FMN1: variants seen among roughly 807,000 people sequenced by gnomAD.
The protein encoded by FMN1 is formin-1.
A neutral mutation model predicts 132.4 loss-of-function variants in FMN1; 110 were observed. The ratio of observed to expected loss-of-function variants is 0.83; its 90% CI spans 0.71 to 0.97. The LOEUF is 0.97. Among genes scored for constraint, FMN1 ranks in the 50% least tolerant of loss-of-function variants. The pLI is 0.00. For missense variants in FMN1, 1,792 were observed against 1,705.3 expected, an observed-to-expected ratio of 1.05 and a Z score of -0.90; for synonymous variants, 722 against 651.7, an observed-to-expected ratio of 1.11 and a Z score of -1.64.
chr15:33,093,560 C>G (rs2038976687), intron 4 of FMN1, among the ~76,000 whole-genome samples: 1 of 152,184 alleles, frequency 6.6e-6, no homozygotes, highest in South Asian at 2.1e-4. Context: ...AATGCAACTG[C>G]CCCCATTTTC....
rs73386817 is a variant in FMN1 at position 32,806,701 on chromosome 15, C to T, written c.3929-2369G>A. On this transcript the variant is annotated intron_variant, in intron 17 of 20. Transcript: ENST00000616417. ...GGCAGCTGCCTCTGGCTTGAGCGCA[C>T]TGAGCGTGCACATTGGAGGATCTTT... Among the ~76,000 whole-genome samples, 773 of 152,378 alleles carry T rather than the reference C, an allele frequency of 5.1e-3. 10 individuals carry two copies. Among genetic ancestry groups the T allele is most frequent in the African/African-American group, 0.018 (728 of 41,596 alleles).
At chr15:33,074,861 C>A (rs1165178391) in intron 5 of FMN1, among the ~76,000 whole-genome samples, 2 of 151,260 alleles carry the variant, frequency 1.3e-5, no homozygotes, top group Non-Finnish European at 2.9e-5. Context: ...ACTAAAAATT[C>A]AAAAAAATTA....
intron 3 of FMN1, among the ~76,000 whole-genome samples, chr15:33,161,645 G>A (rs8023834): frequency 5.3e-5 from 8 of 152,084 alleles, no homozygotes; most frequent in South Asian, 2.1e-4. Context: ...AAGGCTGGGC[G>A]CAGTGGCTCA....
intron 2 of FMN1, among the ~76,000 whole-genome samples, chr15:33,182,715 C>T (rs148118584): frequency 3.9e-5 from 6 of 152,164 alleles, no homozygotes; most frequent in African/African-American, 1.4e-4. Flanking sequence ...GCGCCATCTA[C>T]CTCTCACTGG....
intron 6 of FMN1, among the ~76,000 whole-genome samples, chr15:33,009,246 T>C (rs542064385): frequency 6.6e-6 from 1 of 152,224 alleles, no homozygotes; most frequent in East Asian, 1.9e-4. Context: ...GTTACCACCA[T>C]CTCCACTAGA....
chr15:33,000,384 G>A (rs188471694), intron 7 of FMN1, among the ~76,000 whole-genome samples: 44 of 148,294 alleles, frequency 3.0e-4, no homozygotes, highest in Middle Eastern at 7.1e-3. Flanking sequence ...GGGAGGCAGA[G>A]CTTGCAGTGA....
chr15:33,183,511 T>A (rs1965775419), intron 2 of FMN1, among the ~76,000 whole-genome samples: 1 of 152,234 alleles, frequency 6.6e-6, no homozygotes, highest in African/African-American at 2.4e-5. Flanking sequence ...CGAATTTCTA[T>A]AGTTTAATCA....
Position 32,767,751 on chromosome 15 carries a change from T to A in FMN1, c.*6559A>T, listed in dbSNP as rs1015336171. On this transcript the variant is annotated 3_prime_UTR_variant, in exon 21 of 21. Transcript: ENST00000616417. ...TTACAGAATTGCACAATTATAAATT[T>A]AATAATTTTGGAGTAGACCTATCCC... 6.6e-6 allele frequency: 1 copy of A among 152,236 alleles called. No homozygotes were observed. Among genetic ancestry groups the A allele is most frequent in the Non-Finnish European group, 1.5e-5 (1 of 68,036 alleles). The allele number at this position is 152,236 out of a possible 1,614,324, so 9.4% of individuals were successfully genotyped here.
intron 7 of FMN1, among the ~76,000 whole-genome samples, chr15:32,973,576 A>AACCCCC (rs2031962884): frequency 6.8e-6 from 1 of 147,336 alleles, no homozygotes; most frequent in African/African-American, 2.6e-5. Flanking sequence ...TCTGCCCCTC[A>AACCCCC]CCCCCCCCAA....
chr15:32,842,087 G>C (rs1035425186), intron 17 of FMN1, among the ~76,000 whole-genome samples: 1 of 152,184 alleles, frequency 6.6e-6, no homozygotes, highest in Non-Finnish European at 1.5e-5. Flanking sequence ...AACTGGACTG[G>C]ACTGTGACTT....
chr15:32,786,614 T>A (rs2056886783), intron 19 of FMN1, among the ~76,000 whole-genome samples: 1 of 152,176 alleles, frequency 6.6e-6, no homozygotes, highest in South Asian at 2.1e-4. Flanking sequence ...CATATAGACT[T>A]TGGGGCATCA....
chr15:33,167,504 T>C (rs978313629), intron 3 of FMN1, among the ~76,000 whole-genome samples: 2 of 152,206 alleles, frequency 1.3e-5, no homozygotes, highest in Non-Finnish European at 2.9e-5. Flanking sequence ...TAACCAGTGC[T>C]AGGCCTTTGG....
intron 16 of FMN1, among the ~76,000 whole-genome samples, chr15:32,859,832 T>C (rs571331495): frequency 6.6e-6 from 1 of 151,746 alleles, no homozygotes; most frequent in South Asian, 2.1e-4. Context: ...AGGCCAGGAG[T>C]TCAAGACCAG....
At chr15:33,007,609 C>T (rs2034486258) in intron 7 of FMN1, among the ~76,000 whole-genome samples, 1 of 152,084 alleles carries the variant, frequency 6.6e-6, no homozygotes, top group Non-Finnish European at 1.5e-5. Flanking sequence ...ATCTGCATCA[C>T]ATCATATTGC....
chr15:32,879,908 A>G (rs557109765), intron 16 of FMN1, among the ~76,000 whole-genome samples: 1 of 152,298 alleles, frequency 6.6e-6, no homozygotes, highest in South Asian at 2.1e-4. Context: ...TTAAAGAATC[A>G]GTACATTCTA....
At chr15:32,778,210 A>G (rs1237438161) in intron 19 of FMN1, among the ~76,000 whole-genome samples, 1 of 140,384 alleles carries the variant, frequency 7.1e-6, no homozygotes, top group Admixed American at 7.5e-5. Flanking sequence ...ATTTATTTAT[A>G]TATTATATAA....
Position 32,769,614 on chromosome 15 carries a change from C to T in FMN1, c.*4696G>A, listed in dbSNP as rs1264702779. The T allele has an allele frequency of 6.6e-6, 1 of 152,110 alleles. No individual in the cohort carries two copies. 9.4% of individuals were successfully genotyped at this position (152,110 alleles called of 1,614,324 possible). On this transcript the variant is annotated 3_prime_UTR_variant, in exon 21 of 21. Transcript: ENST00000616417. The stretch of plus-strand genomic sequence containing the variant: ...GCCACTTCTATACTAATAACAGTTT[C>T]CAGGCAGCTGGATTGTTTCTCTCTA...
chr15:33,023,557 A>G (rs900590131), intron 6 of FMN1, among the ~76,000 whole-genome samples: 1 of 152,208 alleles, frequency 6.6e-6, no homozygotes, highest in Non-Finnish European at 1.5e-5. Flanking sequence ...AAAATACTCA[A>G]CAGACATTGA....
intron 9 of FMN1, among the ~76,000 whole-genome samples, chr15:32,940,640 A>G (rs2061382114): frequency 6.6e-6 from 1 of 152,206 alleles, no homozygotes; most frequent in Admixed American, 6.5e-5. Context: ...TAACTCAAAC[A>G]CATTCCCAAA....
Sources: gnomAD v4.1 joint callset for allele counts (sites outside exome capture counted in the v4.1 genomes callset) on GRCh38, gnomAD v4.1.1 for gene constraint, MANE v1.5 for transcripts, NCBI Gene and HGNC (gene_info 2026-07-23, HGNC 2026-07-21) for gene names.